Variants in ZC3H12B observed in about 807,000 individuals in gnomAD.
ZC3H12B encodes probable ribonuclease ZC3H12B.
ZC3H12B carries 7 observed loss-of-function variants against 43.9 expected under a neutral mutation model. That is an observed-to-expected ratio of 0.16 (90% CI 0.09 to 0.30). The LOEUF (loss-of-function observed/expected upper bound fraction) is 0.30, where lower values mean the gene tolerates loss of function less well. ZC3H12B is among the 10% of genes least tolerant of loss of function. The pLI, the probability that ZC3H12B is intolerant of heterozygous loss-of-function variation, is 1.00. For synonymous variants in ZC3H12B, 222 were observed against 241.7 expected (o/e 0.92, Z 0.76); for missense variants, 475 against 670.2 (o/e 0.71, Z 3.22).
At chrX:65,253,519 G>A in the ZC3H12B span, among the ~76,000 whole-genome samples, 2 of 112,066 alleles carry the variant, frequency 1.8e-5, no homozygotes, top group African/African-American at 6.5e-5. Flanking sequence ...GGCTCCCATA[G>A]CCCCAAGGTT....
chrX:65,228,912 T>C, the ZC3H12B span, among the ~76,000 whole-genome samples: 1 of 112,058 alleles, frequency 8.9e-6, no homozygotes, highest in African/African-American at 3.2e-5. Flanking sequence ...GAACATTCCA[T>C]GCTCATGGGT....
the ZC3H12B span, among the ~76,000 whole-genome samples, chrX:65,230,448 T>G: frequency 3.7e-5 from 4 of 108,989 alleles, no homozygotes; most frequent in African/African-American, 1.3e-4. Flanking sequence ...GACGAGTTAA[T>G]GGGTGCAGCA....
chrX:65,260,890 A>G, the ZC3H12B span, among the ~76,000 whole-genome samples: 3 of 111,584 alleles, frequency 2.7e-5, no homozygotes, highest in Non-Finnish European at 5.7e-5. Context: ...CAGACTGCTT[A>G]TCTATAGAGT....
chrX:65,113,923 T>C, the ZC3H12B span, among the ~76,000 whole-genome samples: 3 of 99,955 alleles, frequency 3.0e-5, no homozygotes, highest in African/African-American at 1.0e-4. Context: ...TGACTCACTT[T>C]ATTGCGATAC....
intron 2 of ZC3H12B, among the ~76,000 whole-genome samples, chrX:65,379,848 A>G (rs2066410306): frequency 8.9e-6 from 1 of 112,448 alleles, no homozygotes; most frequent in Non-Finnish European, 1.9e-5. Flanking sequence ...ACTGGAAGAA[A>G]GGGTGTCAAC....
the ZC3H12B span, among the ~76,000 whole-genome samples, chrX:65,061,747 C>G: frequency 1.2e-4 from 14 of 112,480 alleles, no homozygotes; most frequent in Non-Finnish European, 2.3e-4. Context: ...ACCACACTAT[C>G]TTCCACAATG....
At chrX:65,455,790 T>C (rs918773444) in intron 3 of ZC3H12B, among the ~76,000 whole-genome samples, 4 of 111,829 alleles carry the variant, frequency 3.6e-5, no homozygotes, top group Non-Finnish European at 3.8e-5. Context: ...TGGAAGAAAC[T>C]CTACAAGCCA....
chrX:65,449,343 G>C (rs763434057), intron 3 of ZC3H12B, among the ~76,000 whole-genome samples: 1 of 111,828 alleles, frequency 8.9e-6, no homozygotes, highest in Admixed American at 9.4e-5. Context: ...TGTGGGCCAG[G>C]CATGGTGGTT....
chrX:65,221,378 A>T, the ZC3H12B span, among the ~76,000 whole-genome samples: 1 of 111,767 alleles, frequency 8.9e-6, no homozygotes, highest in Non-Finnish European at 1.9e-5. Flanking sequence ...CAAACAAAAA[A>T]CTATACCAAA....
intron 2 of ZC3H12B, among the ~76,000 whole-genome samples, chrX:65,378,309 A>G (rs951319647): frequency 8.9e-6 from 1 of 111,762 alleles, no homozygotes; most frequent in Non-Finnish European, 1.9e-5. Flanking sequence ...AAGATTAAAA[A>G]GACGAGATTA....
At chrX:65,461,810 A>G (rs1377737384) in intron 3 of ZC3H12B, among the ~76,000 whole-genome samples, 3 of 110,737 alleles carry the variant, frequency 2.7e-5, no homozygotes, top group East Asian at 5.6e-4. Context: ...TATGTAACAA[A>G]CCTGCACGTT....
the ZC3H12B span, among the ~76,000 whole-genome samples, chrX:65,123,891 A>G: frequency 9.1e-6 from 1 of 110,118 alleles, no homozygotes; most frequent in Non-Finnish European, 1.9e-5. Flanking sequence ...AGCTTTTTGG[A>G]TGAGTCTTTA....
At chrX:65,451,695 A>G (rs1388542731) in intron 3 of ZC3H12B, among the ~76,000 whole-genome samples, 1 of 111,434 alleles carries the variant, frequency 9.0e-6, no homozygotes, top group Non-Finnish European at 1.9e-5. Flanking sequence ...TCTTTATGGG[A>G]TGTCTTTGTA....
chrX:65,465,747 C>A (rs1261691602), intron 3 of ZC3H12B, among the ~76,000 whole-genome samples: 1 of 110,468 alleles, frequency 9.1e-6, no homozygotes, highest in East Asian at 2.8e-4. Flanking sequence ...AATCTCTTAT[C>A]TCTTTTATTA....
At chrX:65,309,972 A>G in the ZC3H12B span, among the ~76,000 whole-genome samples, 1 of 111,968 alleles carries the variant, frequency 8.9e-6, no homozygotes, top group Non-Finnish European at 1.9e-5. Context: ...AAAACTCTCA[A>G]TAAACTAGGT....
the ZC3H12B span, among the ~76,000 whole-genome samples, chrX:65,153,152 C>A: frequency 4.3e-4 from 48 of 112,061 alleles, no homozygotes; most frequent in African/African-American, 1.5e-3. Flanking sequence ...TTAGGCATTA[C>A]CATTCAGGAC....
At chrX:65,159,124 T>G in the ZC3H12B span, among the ~76,000 whole-genome samples, 2 of 111,945 alleles carry the variant, frequency 1.8e-5, no homozygotes, top group Non-Finnish European at 3.8e-5. Context: ...TCTGTTCCAT[T>G]GGTCTATGTC....
chrX:65,499,657 C>CATGT (rs932046743), intron 3 of ZC3H12B, among the ~76,000 whole-genome samples: 1 of 111,082 alleles, frequency 9.0e-6, no homozygotes, highest in Admixed American at 9.6e-5. Flanking sequence ...ACGGCTCAAA[C>CATGT]ATGTAGTTCA....
the ZC3H12B span, among the ~76,000 whole-genome samples, chrX:65,121,318 C>G: frequency 8.1e-5 from 9 of 111,294 alleles, no homozygotes; most frequent in Non-Finnish European, 1.3e-4. Flanking sequence ...ATTATTGCCT[C>G]AATTTCAGAG....
Sources: allele counts gnomAD v4.1 joint callset (sites outside exome capture counted in the v4.1 genomes callset), GRCh38; gene constraint gnomAD v4.1.1; transcripts MANE v1.5; gene names NCBI Gene and HGNC (gene_info 2026-07-23, HGNC 2026-07-21).